The following ZUP1 variants were observed in gnomAD, a reference collection of about 807,000 sequenced individuals.
ZUP1 encodes zinc finger-containing ubiquitin peptidase 1.
In ZUP1, 55 loss-of-function variants were observed where a neutral mutation model predicts 68.1. The ratio of observed to expected loss-of-function variants is 0.81; its 90% CI spans 0.65 to 1.01. The LOEUF is 1.01. ZUP1 is among the 50% of genes least tolerant of loss of function. The probability of loss-of-function intolerance (pLI) is 0.00; values close to 1 mark genes in which losing one functional copy is unlikely to be tolerated. For synonymous variants in ZUP1, 223 were observed against 221.5 expected (o/e 1.01, Z -0.06); for missense variants, 684 against 674.9 (o/e 1.01, Z -0.15).
At chr6:116,659,276 C>A (rs755752770) in intron 3 of ZUP1, among the ~76,000 whole-genome samples, 1 of 152,066 alleles carries the variant, frequency 6.6e-6, no homozygotes, top group Non-Finnish European at 1.5e-5. Flanking sequence ...ATTACAGGTG[C>A]CTGCCACCAT....
rs754412333 is a variant in ZUP1, at chr6:116,651,663, C to T, written c.1225G>A (p.Gly409Arg). The T allele has an allele frequency of 2.5e-6, 4 of 1,613,832 alleles. No homozygotes were observed. Among genetic ancestry groups the T allele is most frequent in the Admixed American group, 1.7e-5 (1 of 60,014 alleles). ...DAWKEGFDPQ[G>R]ASQLNNRLQG... The stretch of plus-strand genomic sequence containing the variant: ...AACCTGTTATTAAGTTGAGAGGCCC[C>T]CTGAGGATCAAAACCTTCCTTCCAT... Residue 409 changes from glycine to arginine, a missense_variant, in exon 7 of 10, where the codon GGG becomes AGG. Gly to Arg is a moderately radical substitution (Grantham distance 125). Transcript: ENST00000368576.
rs371328581 is a variant in ZUP1, at chr6:116,644,219, G to T, written c.1689+1495C>A. ...TGCTGGAGAGGATGTGGAGAAATAG[G>T]AACACTTTTACACTATTGGTGGGAC... is the stretch of plus-strand genomic sequence containing the variant. On this transcript the variant is annotated intron_variant, in intron 9 of 9. Transcript: ENST00000368576. 3.9e-5 allele frequency among the ~76,000 whole-genome samples: 6 copies of T among 152,232 alleles called. No homozygotes were observed. In the East Asian group the frequency reaches 7.7e-4, roughly 20 times the overall value.
At chr6:116,649,308 A>T (rs1428532437) in intron 7 of ZUP1, among the ~76,000 whole-genome samples, 1 of 152,188 alleles carries the variant, frequency 6.6e-6, no homozygotes, top group African/African-American at 2.4e-5. Flanking sequence ...CAAACATTCC[A>T]TTAAACACGA....
At chr6:116,640,353 C>A (rs893547503) in intron 9 of ZUP1, among the ~76,000 whole-genome samples, 7 of 152,118 alleles carry the variant, frequency 4.6e-5, no homozygotes, top group African/African-American at 1.7e-4. Flanking sequence ...CAAAGATACT[C>A]CTCGAGAAGA....
intron 4 of ZUP1, among the ~76,000 whole-genome samples, chr6:116,657,107 G>A (rs767520965): frequency 2.0e-5 from 3 of 152,222 alleles, no homozygotes; most frequent in Admixed American, 2.0e-4. Context: ...CTGTAGTAGG[G>A]AAAGCAGAGG....
intron 9 of ZUP1, among the ~76,000 whole-genome samples, chr6:116,639,667 C>A (rs1194153276): frequency 2.6e-5 from 4 of 152,128 alleles, no homozygotes; most frequent in Non-Finnish European, 5.9e-5. Flanking sequence ...GAAAGGACAT[C>A]CACACCAAAA....
At chr6:116,643,167 A>C (rs1285747254) in intron 9 of ZUP1, among the ~76,000 whole-genome samples, 4 of 152,118 alleles carry the variant, frequency 2.6e-5, no homozygotes, top group Non-Finnish European at 5.9e-5. Context: ...ACTACAAACC[A>C]CCGCTCAATG....
intron 7 of ZUP1, 88 bp downstream of exon 7, chr6:116,651,484 A>C: frequency 8.6e-7 from 1 of 1,166,464 alleles, no homozygotes; most frequent in Non-Finnish European, 1.2e-6. Flanking sequence ...TTTTATTTTT[A>C]AACTATCTCT....
In ZUP1 at chr6:116,651,619, C is replaced by T; in HGVS notation, c.1269G>A (p.Trp423Ter). The change falls in exon 7 of 10, where the codon TGG (tryptophan) becomes TGA (stop). Residue 423 changes from tryptophan to a stop codon, truncating the protein, a stop_gained. Coordinates refer to ENST00000368576, the MANE Select transcript of ZUP1 (RefSeq NM_145062.3). LOFTEE classifies it high-confidence loss of function. ...GTATATATACTTCACATGCTCCAAT[C>T]CAGGCCTTTGTTCCCTGTAACCTGT... ...LNNRLQGTKA[W>*]IGACEVYILL... The T allele has an allele frequency of 6.2e-7, 1 of 1,613,850 alleles. No homozygotes were observed. The highest frequency in any genetic ancestry group is 1.1e-5 in the South Asian group (1 of 91,070).
intron 9 of ZUP1, among the ~76,000 whole-genome samples, chr6:116,641,641 C>A (rs201464576): frequency 6.6e-6 from 1 of 152,008 alleles, no homozygotes. Flanking sequence ...TTGAAACCAA[C>A]GAGAACAAAG....
intron 7 of ZUP1, among the ~76,000 whole-genome samples, chr6:116,649,640 A>G (rs1327308833): frequency 6.6e-6 from 1 of 152,226 alleles, no homozygotes; most frequent in African/African-American, 2.4e-5. Flanking sequence ...TAGGAACTCT[A>G]GGTAAGAGAG....
At chr6:116,663,744 C>G (rs1015847258) in intron 2 of ZUP1, among the ~76,000 whole-genome samples, 1 of 151,780 alleles carries the variant, frequency 6.6e-6, no homozygotes, top group Non-Finnish European at 1.5e-5. Context: ...AGTTCAAGAC[C>G]AGCCTGAGTA....
At chr6:116,639,063 G>A (rs967789937) in intron 9 of ZUP1, among the ~76,000 whole-genome samples, 15 of 152,228 alleles carry the variant, frequency 9.9e-5, no homozygotes, top group Admixed American at 4.6e-4. Context: ...AGGGTCCTAC[G>A]CCCACGGAGT....
chr6:116,651,173 T>C (rs1776478512), intron 7 of ZUP1, among the ~76,000 whole-genome samples: 1 of 151,834 alleles, frequency 6.6e-6, no homozygotes, highest in African/African-American at 2.4e-5. Flanking sequence ...TTAGAAAAAA[T>C]CAGCAACAAG....
chr6:116,655,993 A>C (rs1776650515), intron 5 of ZUP1, among the ~76,000 whole-genome samples: 1 of 152,214 alleles, frequency 6.6e-6, no homozygotes, highest in Admixed American at 6.5e-5. Flanking sequence ...TTTAATGTTG[A>C]TTACATGTTG....
chr6:116,651,773 TA>T, intron 6 of ZUP1, 36 bp from the exon 7 acceptor site: 1 of 1,607,652 alleles, frequency 6.2e-7, no homozygotes, highest in Non-Finnish European at 8.5e-7. Context: ...ACATGACTGT[TA>T]ATAAAGTACT....
In ZUP1 at chr6:116,651,681, C is replaced by G; in HGVS notation, c.1207G>C (p.Glu403Gln). The G allele has an allele frequency of 6.2e-7, 1 of 1,613,860 alleles. No individual in the cohort carries two copies. Among genetic ancestry groups the G allele is most frequent in the South Asian group, 1.1e-5 (1 of 91,064 alleles). ...GAGGCCCCCTGAGGATCAAAACCTT[C>G]CTTCCATGCATCTTCAATCATAGAT... is the stretch of plus-strand genomic sequence containing the variant. ...IQSMIEDAWK[E>Q]GFDPQGASQL... Residue 403 changes from glutamate to glutamine, a missense_variant, in exon 7 of 10, where the codon GAA (glutamate) becomes CAA (glutamine). Coordinates refer to ENST00000368576, the MANE Select transcript of ZUP1 (RefSeq NM_145062.3).
rs1249792807 is a variant in ZUP1, at chr6:116,645,865, G to A, written c.1538C>T (p.Pro513Leu). 1 of 1,613,810 alleles carries A rather than the reference G, an allele frequency of 6.2e-7. No homozygotes were observed. ...NRTLCLLILD[P>L]GCPSREMQKL... ...CTGCATTTCTCGAGAAGGACATCCA[G>A]GATCAAGTATTAGTAAGCATAATGT... The change falls in exon 9 of 10, where the codon CCT becomes CTT. Residue 513 changes from proline to leucine, a missense_variant. By Grantham distance (98) the Pro-to-Leu change is moderately conservative. Transcript: ENST00000368576.
At chr6:116,652,940 C>G (rs952474002) in intron 5 of ZUP1, among the ~76,000 whole-genome samples, 1 of 152,098 alleles carries the variant, frequency 6.6e-6, no homozygotes, top group Middle Eastern at 3.2e-3. Context: ...TGTGGCCTAA[C>G]TGAACACATT....
Sources: gnomAD v4.1 joint callset for allele counts (sites outside exome capture counted in the v4.1 genomes callset) on GRCh38, gnomAD v4.1.1 for gene constraint, MANE v1.5 for transcripts, NCBI Gene and HGNC (gene_info 2026-07-23, HGNC 2026-07-21) for gene names.